UVRAG: variants seen among roughly 807,000 people sequenced by gnomAD.
UVRAG encodes UV radiation resistance-associated gene protein.
A neutral mutation model predicts 78.0 loss-of-function variants in UVRAG; 19 were observed. The observed-to-expected ratio is 0.24, with a 90% CI of 0.17 to 0.36. The LOEUF is 0.36. Among genes scored for constraint, UVRAG ranks in the 10% least tolerant of loss-of-function variants. The pLI is 1.00. For synonymous variants in UVRAG, 323 were observed against 324.6 expected, an observed-to-expected ratio of 1.00 and a Z score of 0.05; for missense variants, 740 against 853.8, an observed-to-expected ratio of 0.87 and a Z score of 1.66.
chr11:75,841,506 G>T (rs1484750262), intron 1 of UVRAG, among the ~76,000 whole-genome samples: 1 of 151,366 alleles, frequency 6.6e-6, no homozygotes, highest in Non-Finnish European at 1.5e-5. Context: ...TCTTTTGTTT[G>T]TTTTATATCA....
intron 8 of UVRAG, among the ~76,000 whole-genome samples, chr11:75,996,334 G>C (rs1949706446): frequency 6.6e-6 from 1 of 152,052 alleles, no homozygotes; most frequent in African/African-American, 2.4e-5. Context: ...AAGGAGCATT[G>C]ATTTTTATTT....
intron 6 of UVRAG, among the ~76,000 whole-genome samples, chr11:75,946,498 C>T (rs1948590298): frequency 2.6e-5 from 4 of 152,120 alleles, no homozygotes; most frequent in African/African-American, 9.7e-5. Flanking sequence ...TTCTCGGTTT[C>T]TTCTTTAGGC....
At chr11:76,006,775 A>G (rs1443390525) in intron 9 of UVRAG, among the ~76,000 whole-genome samples, 1 of 150,960 alleles carries the variant, frequency 6.6e-6, no homozygotes, top group East Asian at 1.9e-4. Context: ...TTTTTGAGGT[A>G]ATTATAATAT....
intron 4 of UVRAG, among the ~76,000 whole-genome samples, chr11:75,888,157 G>A (rs1246891309): frequency 6.6e-6 from 1 of 151,610 alleles, no homozygotes; most frequent in African/African-American, 2.4e-5. Flanking sequence ...TTTTTAAGAC[G>A]AGGTTGTGCT....
intron 13 of UVRAG, among the ~76,000 whole-genome samples, chr11:76,109,995 C>T (rs935141178): frequency 2.6e-5 from 4 of 152,086 alleles, no homozygotes; most frequent in African/African-American, 9.7e-5. Context: ...CTCTGGAGTG[C>T]ATGCAGTCAG....
intron 12 of UVRAG, among the ~76,000 whole-genome samples, chr11:76,057,287 T>G (rs1951002383): frequency 6.6e-6 from 1 of 152,242 alleles, no homozygotes; most frequent in African/African-American, 2.4e-5. Flanking sequence ...TTTCATAGAT[T>G]ATAACTTTAG....
At chr11:76,071,412 G>T (rs570020657) in intron 13 of UVRAG, among the ~76,000 whole-genome samples, 3 of 152,290 alleles carry the variant, frequency 2.0e-5, no homozygotes, top group African/African-American at 7.2e-5. Flanking sequence ...TGTAGTAATT[G>T]AGTGGCAGAG....
chr11:75,956,388 CTT>C (rs1319171839), intron 6 of UVRAG, among the ~76,000 whole-genome samples: 15 of 128,732 alleles, frequency 1.2e-4, no homozygotes, highest in South Asian at 2.5e-4. Context: ...CAATTCTTGC[CTT>C]TTTTTTTTTT....
chr11:75,827,884 T>C (rs1311181050), intron 1 of UVRAG, among the ~76,000 whole-genome samples: 1 of 152,114 alleles, frequency 6.6e-6, no homozygotes, highest in African/African-American at 2.4e-5. Context: ...TTGCTTAGGA[T>C]TTTGAAAAAC....
chr11:75,829,655 C>T (rs1945610357), intron 1 of UVRAG, among the ~76,000 whole-genome samples: 1 of 152,190 alleles, frequency 6.6e-6, no homozygotes, highest in South Asian at 2.1e-4. Context: ...CTGTGAAGGA[C>T]CAGATAGTGA....
In UVRAG at chr11:75,999,673, C is replaced by T. The variant is rs577732602; in HGVS notation, c.827-4332C>T. Among the ~76,000 whole-genome samples the T allele has an allele frequency of 3.9e-5, 6 of 152,186 alleles. No homozygotes were observed. In the East Asian group the frequency reaches 9.7e-4, roughly 25 times the overall value. On this transcript the variant is annotated intron_variant, in intron 8 of 14. Coordinates refer to ENST00000356136, the MANE Select transcript of UVRAG (RefSeq NM_003369.4). ...GGATTACAGGTGTGAGCCACCGTGCCCAGCCATATTTTTAGTTTTTTTATG... is the reference window on the plus strand; with the variant it reads ...GGATTACAGGTGTGAGCCACCGTGCTCAGCCATATTTTTAGTTTTTTTATG...
chr11:75,957,352 A>G (rs1422878928), intron 6 of UVRAG, among the ~76,000 whole-genome samples: 1 of 151,688 alleles, frequency 6.6e-6, no homozygotes, highest in Non-Finnish European at 1.5e-5. Context: ...TCCTTTGTCA[A>G]AAATTAATTT....
intron 13 of UVRAG, among the ~76,000 whole-genome samples, chr11:76,086,748 T>C (rs1057508972): frequency 6.6e-6 from 1 of 152,204 alleles, no homozygotes; most frequent in Non-Finnish European, 1.5e-5. Flanking sequence ...TTAGAAATGA[T>C]CTGAACTTAT....
intron 1 of UVRAG, among the ~76,000 whole-genome samples, chr11:75,822,772 C>T (rs1945425540): frequency 6.6e-6 from 1 of 151,948 alleles, no homozygotes; most frequent in South Asian, 2.1e-4. Context: ...GCTTTCATGC[C>T]CTCTCATGGC....
At chr11:75,889,240 T>C (rs1345011984) in intron 5 of UVRAG, among the ~76,000 whole-genome samples, 1 of 152,234 alleles carries the variant, frequency 6.6e-6, no homozygotes, top group Non-Finnish European at 1.5e-5. Context: ...GTTTCAGATA[T>C]CTTTTATAAC....
chr11:75,855,242 T>A (rs1490693013), intron 2 of UVRAG, among the ~76,000 whole-genome samples: 1 of 152,218 alleles, frequency 6.6e-6, no homozygotes, highest in Non-Finnish European at 1.5e-5. Context: ...TGAAGTTATC[T>A]CAATGAGATA....
chr11:75,889,414 A>G (rs1192844192), intron 5 of UVRAG, among the ~76,000 whole-genome samples: 3 of 152,244 alleles, frequency 2.0e-5, no homozygotes, highest in Non-Finnish European at 4.4e-5. Context: ...CTCACTTAAT[A>G]CTAGCCAAAA....
intron 14 of UVRAG, among the ~76,000 whole-genome samples, chr11:76,129,669 T>C (rs1330170723): frequency 6.6e-6 from 1 of 152,196 alleles, no homozygotes; most frequent in Non-Finnish European, 1.5e-5. Flanking sequence ...TTCCTCACCC[T>C]TATATCCAAC....
At chr11:76,131,666 A>G (rs1952514691) in intron 14 of UVRAG, among the ~76,000 whole-genome samples, 1 of 152,198 alleles carries the variant, frequency 6.6e-6, no homozygotes, top group South Asian at 2.1e-4. Context: ...TTTTGGCCCA[A>G]TATTGTTTCT....
Sources: allele counts gnomAD v4.1 joint callset (sites outside exome capture counted in the v4.1 genomes callset), GRCh38; gene constraint gnomAD v4.1.1; transcripts MANE v1.5; gene names NCBI Gene and HGNC (gene_info 2026-07-23, HGNC 2026-07-21).